Variants in CSMD1 observed in about 807,000 individuals in gnomAD.
The protein encoded by CSMD1 is CUB and Sushi multiple domains 1.
Under a neutral mutation model 417.5 loss-of-function variants are expected in CSMD1, and 213 were observed. The observed-to-expected ratio is 0.51, with a 90% CI of 0.46 to 0.57. The LOEUF (loss-of-function observed/expected upper bound fraction) is 0.57, where lower values mean the gene tolerates loss of function less well. Ranked by LOEUF, CSMD1 falls within the 20% of genes least tolerant of loss-of-function variation. The probability of loss-of-function intolerance (pLI) is 0.00; values close to 1 mark genes in which losing one functional copy is unlikely to be tolerated. For synonymous variants in CSMD1, 2,862 were observed against 1,736.8 expected, an observed-to-expected ratio of 1.65 and a Z score of -16.11; for missense variants, 6,923 against 4,529.7, an observed-to-expected ratio of 1.53 and a Z score of -15.17.
chr8:4,535,820 G>T (rs1055072761), intron 2 of CSMD1, among the ~76,000 whole-genome samples: 3 of 152,098 alleles, frequency 2.0e-5, no homozygotes, highest in African/African-American at 7.2e-5. Context: ...TTTCTTTAAA[G>T]GAAATACATC....
chr8:3,763,062 C>G (rs1176686745), intron 5 of CSMD1, among the ~76,000 whole-genome samples: 1 of 152,146 alleles, frequency 6.6e-6, no homozygotes, highest in Non-Finnish European at 1.5e-5. Flanking sequence ...GAGATTGAAG[C>G]CTGTCCTATT....
At chr8:4,860,714 T>C (rs1802081116) in intron 1 of CSMD1, among the ~76,000 whole-genome samples, 1 of 152,162 alleles carries the variant, frequency 6.6e-6, no homozygotes, top group Non-Finnish European at 1.5e-5. Context: ...TAAAGACAAA[T>C]ACATTTATGT....
intron 26 of CSMD1, among the ~76,000 whole-genome samples, chr8:3,283,084 T>A (rs34011109): frequency 6.6e-6 from 1 of 151,610 alleles, no homozygotes; most frequent in African/African-American, 2.4e-5. Flanking sequence ...GGCAACTATC[T>A]TTAGGAGATT....
chr8:4,904,979 T>A (rs1805143403), intron 1 of CSMD1, among the ~76,000 whole-genome samples: 1 of 152,140 alleles, frequency 6.6e-6, no homozygotes, highest in African/African-American at 2.4e-5. Flanking sequence ...ACCAACATAG[T>A]ACAATTTGCA....
intron 5 of CSMD1, among the ~76,000 whole-genome samples, chr8:3,882,997 C>T (rs1200487798): frequency 6.6e-6 from 1 of 152,152 alleles, no homozygotes; most frequent in Non-Finnish European, 1.5e-5. Context: ...GATATGTGCA[C>T]ACTTCTGCAT....
intron 49 of CSMD1, among the ~76,000 whole-genome samples, chr8:3,063,277 T>G (rs1054933348): frequency 6.6e-6 from 1 of 152,264 alleles, no homozygotes; most frequent in East Asian, 1.9e-4. Context: ...AACAAGTGAC[T>G]TAACCTATTT....
chr8:4,649,051 G>T (rs946060176), intron 1 of CSMD1, among the ~76,000 whole-genome samples: 2 of 152,120 alleles, frequency 1.3e-5, no homozygotes, highest in South Asian at 2.1e-4. Flanking sequence ...CTTCTTGTAG[G>T]CTTCAGTTGG....
intron 1 of CSMD1, among the ~76,000 whole-genome samples, chr8:4,746,438 T>G (rs1810957283): frequency 6.6e-6 from 1 of 152,304 alleles, no homozygotes; most frequent in East Asian, 1.9e-4. Flanking sequence ...CGAATGGAAG[T>G]GGACTTGCTC....
chr8:3,648,140 C>T (rs1797669077), intron 7 of CSMD1, among the ~76,000 whole-genome samples: 1 of 152,074 alleles, frequency 6.6e-6, no homozygotes, highest in South Asian at 2.1e-4. Context: ...TTACTATGGC[C>T]CCAGATTAAG....
chr8:3,955,558 G>A (rs1811884387), intron 5 of CSMD1, among the ~76,000 whole-genome samples: 1 of 152,096 alleles, frequency 6.6e-6, no homozygotes, highest in African/African-American at 2.4e-5. Context: ...CTGAAAAAAT[G>A]TTTACATATT....
chr8:3,964,869 T>G (rs1812565007), intron 5 of CSMD1, among the ~76,000 whole-genome samples: 1 of 152,192 alleles, frequency 6.6e-6, no homozygotes, highest in Non-Finnish European at 1.5e-5. Flanking sequence ...TGAAAAAGTG[T>G]GATTGCATAT....
chr8:4,146,981 C>T (rs552113898), intron 3 of CSMD1, among the ~76,000 whole-genome samples: 4 of 152,010 alleles, frequency 2.6e-5, no homozygotes, highest in South Asian at 2.1e-4. Context: ...GTAAGAGCTC[C>T]GCCAGCACTT....
At position 3,169,053 on chromosome 8, in the gene CSMD1, T is replaced by G. The variant is rs552527130; in HGVS notation, c.5726-6776A>C. On this transcript the variant is annotated intron_variant, in intron 37 of 69. Coordinates refer to ENST00000635120, the MANE Select transcript of CSMD1 (RefSeq NM_033225.6). ...AAAATTTCTCTGGTCACAGGACTATTTTGGTCTACGTACCACCCACCAACA... is the reference window on the plus strand; with the variant it reads ...AAAATTTCTCTGGTCACAGGACTATGTTGGTCTACGTACCACCCACCAACA... Among the ~76,000 whole-genome samples the G allele has an allele frequency of 1.9e-3, 297 of 152,312 alleles. 1 individual carries two copies. Among genetic ancestry groups the G allele is most frequent in the African/African-American group, 6.9e-3 (286 of 41,564 alleles).
chr8:3,710,114 A>T (rs758395136), intron 6 of CSMD1, among the ~76,000 whole-genome samples: 3 of 137,430 alleles, frequency 2.2e-5, no homozygotes, highest in Non-Finnish European at 4.9e-5. Flanking sequence ...CATTCATGAC[A>T]CACCTTTTTG....
intron 26 of CSMD1, among the ~76,000 whole-genome samples, chr8:3,277,509 G>C (rs1802390634): frequency 6.6e-6 from 1 of 151,966 alleles, no homozygotes; most frequent in Non-Finnish European, 1.5e-5. Flanking sequence ...TGCATTGTTG[G>C]ATTCTCTGTG....
At chr8:4,486,336 T>C (rs1211068372) in intron 2 of CSMD1, among the ~76,000 whole-genome samples, 2 of 149,390 alleles carry the variant, frequency 1.3e-5, no homozygotes, top group African/African-American at 4.9e-5. Context: ...ATAACAGTAA[T>C]TTGCGACGAT....
intron 1 of CSMD1, among the ~76,000 whole-genome samples, chr8:4,655,438 A>T (rs890680718): frequency 4.6e-5 from 7 of 152,140 alleles, no homozygotes; most frequent in Non-Finnish European, 5.9e-5. Flanking sequence ...TAAAATGGAA[A>T]TGTGAAGTTA....
At chr8:3,011,239 C>T (rs549509299) in intron 52 of CSMD1, among the ~76,000 whole-genome samples, 5 of 152,148 alleles carry the variant, frequency 3.3e-5, no homozygotes, top group Non-Finnish European at 7.4e-5. Flanking sequence ...ACTGACAATG[C>T]ATTTGGAAAA....
intron 5 of CSMD1, among the ~76,000 whole-genome samples, chr8:3,878,807 C>T (rs1403867588): frequency 1.3e-5 from 2 of 152,114 alleles, no homozygotes; most frequent in African/African-American, 4.8e-5. Flanking sequence ...ATAACGACGA[C>T]CACAAATCCA....
Sources: allele counts gnomAD v4.1 joint callset (sites outside exome capture counted in the v4.1 genomes callset), GRCh38; gene constraint gnomAD v4.1.1; transcripts MANE v1.5; gene names NCBI Gene and HGNC (gene_info 2026-07-23, HGNC 2026-07-21).